The following ASTN1 variants were observed in gnomAD, a reference collection of about 807,000 sequenced individuals.
ASTN1 encodes the protein astrotactin 1, also known as astrotactin-1.
Under a neutral mutation model 140.7 loss-of-function variants are expected in ASTN1, and 41 were observed. The ratio of observed to expected loss-of-function variants is 0.29; its 90% confidence interval spans 0.23 to 0.38. The LOEUF is 0.38. ASTN1 is among the 10% of genes least tolerant of loss of function. The probability of loss-of-function intolerance (pLI) is 1.00; values close to 1 mark genes in which losing one functional copy is unlikely to be tolerated. For synonymous variants in ASTN1, 640 were observed against 652.2 expected (o/e 0.98, Z 0.29); for missense variants, 1,479 against 1,678.8 (o/e 0.88, Z 2.08).
intron 1 of ASTN1, among the ~76,000 whole-genome samples, chr1:177,123,317 G>A (rs567271024): frequency 6.6e-6 from 1 of 152,272 alleles, no homozygotes; most frequent in East Asian, 1.9e-4. Flanking sequence ...CATTCATTAA[G>A]AAACAAAAGG....
chr1:177,044,700 C>T (rs1378874190), intron 2 of ASTN1, among the ~76,000 whole-genome samples: 1 of 152,226 alleles, frequency 6.6e-6, no homozygotes, highest in Non-Finnish European at 1.5e-5. Context: ...GATACAAAGG[C>T]AGTCAGGGGT....
Position 177,024,684 on chromosome 1 carries a change from C to T in ASTN1, c.1169G>A (p.Ser390Asn). ...PVNKTTLTLI[S>N]ITSCVIGLVC... ...GAGGCCAATCACACAGCTGGTGATG[C>T]TGATCAGGGTCAAGGTGGTCTTATT... Residue 390 changes from serine to asparagine, a missense_variant, in exon 6 of 23, where the codon AGC becomes AAC. Physicochemically the swap from Ser to Asn is conservative, Grantham distance 46 (BLOSUM62 1). Coordinates refer to ENST00000361833, the MANE Select transcript of ASTN1 (RefSeq NM_004319.3). The T allele has an allele frequency of 6.2e-7, 1 of 1,614,044 alleles. No individual in the cohort carries two copies. Among genetic ancestry groups the T allele is most frequent in the Non-Finnish European group, 8.5e-7 (1 of 1,179,970 alleles).
At chr1:176,980,133 A>G (rs1673546601) in intron 8 of ASTN1, among the ~76,000 whole-genome samples, 1 of 152,156 alleles carries the variant, frequency 6.6e-6, no homozygotes, top group African/African-American at 2.4e-5. Context: ...TGGGGGGCAA[A>G]GATTGGAGAA....
chr1:177,134,086 C>A (rs1682062208), intron 1 of ASTN1, among the ~76,000 whole-genome samples: 1 of 152,190 alleles, frequency 6.6e-6, no homozygotes, highest in Admixed American at 6.5e-5. Flanking sequence ...CCACAAATCC[C>A]AATCCATTGT....
At chr1:177,105,815 T>A (rs1680522942) in intron 1 of ASTN1, among the ~76,000 whole-genome samples, 1 of 152,152 alleles carries the variant, frequency 6.6e-6, no homozygotes, top group Non-Finnish European at 1.5e-5. Context: ...TATTTTCATG[T>A]CCATTTCACT....
At chr1:177,092,497 A>G (rs1679805755) in intron 1 of ASTN1, among the ~76,000 whole-genome samples, 1 of 152,198 alleles carries the variant, frequency 6.6e-6, no homozygotes, top group Admixed American at 6.5e-5. Context: ...CAAAAGTTAC[A>G]AACTTTGACG....
At chr1:177,101,499 A>G (rs1156375357) in intron 1 of ASTN1, among the ~76,000 whole-genome samples, 1 of 152,210 alleles carries the variant, frequency 6.6e-6, no homozygotes, top group Non-Finnish European at 1.5e-5. Context: ...AAATTTAAAA[A>G]TAGTCAAATT....
At chr1:176,864,580 C>T (rs1349803403) in intron 22 of ASTN1, 59 bp from the exon 23 acceptor site, 1 of 1,587,320 alleles carries the variant, frequency 6.3e-7, no homozygotes, top group African/African-American at 1.3e-5. Context: ...TGGATGAGCA[C>T]AGCTACTGTT....
intron 1 of ASTN1, among the ~76,000 whole-genome samples, chr1:177,102,211 G>A (rs1468425996): frequency 1.3e-5 from 2 of 152,138 alleles, no homozygotes; most frequent in Non-Finnish European, 2.9e-5. Context: ...AATAAGGGGA[G>A]GGAGGAAGGG....
At position 176,932,983 on chromosome 1, in the gene ASTN1, C is replaced by T. The variant is rs149488676; in HGVS notation, c.2671+1169G>A. Among the ~76,000 whole-genome samples, 45 of 152,336 alleles carry T rather than the reference C, an allele frequency of 3.0e-4. 1 individual carries two copies. The East Asian group carries it at 8.7e-3, about 29-fold the overall frequency. ...ACATTTGCTTATATTACATTGCTCTCTTGGCAAATTGGAATCAGAACAATG... is the reference window on the plus strand; with the variant it reads ...ACATTTGCTTATATTACATTGCTCTTTTGGCAAATTGGAATCAGAACAATG... On this transcript the variant is annotated intron_variant, in intron 16 of 22. Transcript: ENST00000361833.
chr1:177,092,157 A>G (rs1679787686), intron 1 of ASTN1, among the ~76,000 whole-genome samples: 1 of 152,080 alleles, frequency 6.6e-6, no homozygotes, highest in Non-Finnish European at 1.5e-5. Context: ...ATCCTCCACC[A>G]CATTTATTAT....
chr1:177,032,477 A>G lies in ASTN1; in HGVS notation c.844T>C (p.Ser282Pro), dbSNP rs548897676. 2.3e-5 allele frequency: 37 copies of G among 1,613,754 alleles called. No homozygotes were observed. The highest frequency in any genetic ancestry group is 3.1e-5 in the Non-Finnish European group (36 of 1,179,938). ...CCACCTGGTGTGAGGTCCATCCCCG[A>G]CTTTTCATTGCAGCCCTGCAGGGAG... ...LDSLQGCNEK[S>P]GMDLTPGSDN... Residue 282 changes from serine to proline, a missense_variant, in exon 3 of 23, where the codon TCG (serine) becomes CCG (proline). Around this residue, in one of 3 missense-constraint regions of ASTN1, gnomAD observed 729 missense variants for 860.4 expected, o/e 0.85. Coordinates refer to ENST00000361833, the MANE Select transcript of ASTN1 (RefSeq NM_004319.3).
intron 21 of ASTN1, 66 bp from the exon 22 acceptor site, chr1:176,869,093 A>G: frequency 1.8e-6 from 2 of 1,113,488 alleles, no homozygotes; most frequent in Non-Finnish European, 2.4e-6. Context: ...ATATACACAC[A>G]TTATATATGA....
intron 20 of ASTN1, 107 bp from the exon 21 acceptor site, chr1:176,876,744 C>T: frequency 9.5e-7 from 1 of 1,048,724 alleles, no homozygotes; most frequent in South Asian, 1.5e-5. Flanking sequence ...TGGCTATGGA[C>T]CCAGATACTC....
rs796820598 is a variant in ASTN1, at chr1:177,136,316, A to T, written c.283+28078T>A. The stretch of plus-strand genomic sequence containing the variant: ...TACATGTTTCAAAGTATCATGTGAA[A>T]TATCGTAACTGTGTTTTTTGTTTTT... On this transcript the variant is annotated intron_variant, in intron 1 of 22. Transcript: ENST00000361833. 7.9e-5 allele frequency among the ~76,000 whole-genome samples: 12 copies of T among 151,782 alleles called. 1 individual carries two copies. The highest frequency in any genetic ancestry group is 2.9e-4 in the African/African-American group (12 of 41,418).
intron 5 of ASTN1, among the ~76,000 whole-genome samples, chr1:177,027,907 TG>T (rs940216468): frequency 1.3e-5 from 2 of 152,092 alleles, no homozygotes; most frequent in African/African-American, 4.8e-5. Flanking sequence ...GCCTTATCAC[TG>T]GGCCATATTT....
intron 8 of ASTN1, among the ~76,000 whole-genome samples, chr1:176,980,350 G>A (rs778278849): frequency 2.0e-4 from 31 of 152,098 alleles, no homozygotes; most frequent in Non-Finnish European, 4.3e-4. Flanking sequence ...AAAGAGCTGA[G>A]GCCTGAGGAC....
chr1:176,957,647 C>A (rs766114766), intron 11 of ASTN1, 31 bp downstream of exon 11: 2 of 1,608,968 alleles, frequency 1.2e-6, no homozygotes, highest in Middle Eastern at 1.8e-4. Context: ...CATCCTCAAA[C>A]AGAAACTACT....
chr1:176,896,300 C>T (rs1294393244), intron 16 of ASTN1, among the ~76,000 whole-genome samples: 5 of 152,152 alleles, frequency 3.3e-5, no homozygotes, highest in African/African-American at 1.2e-4. Flanking sequence ...CGACCCAGAG[C>T]CAAGCTCAAA....
Sources: allele counts gnomAD v4.1 joint callset (sites outside exome capture counted in the v4.1 genomes callset), GRCh38; gene constraint gnomAD v4.1.1; regional missense constraint gnomAD v4.1.1; transcripts MANE v1.5; gene names NCBI Gene and HGNC (gene_info 2026-07-23, HGNC 2026-07-21).